The following DAB1 variants were observed in gnomAD, a reference collection of about 807,000 sequenced individuals.
DAB1 encodes the protein disabled homolog 1.
Under a neutral mutation model 64.6 loss-of-function variants are expected in DAB1, and 15 were observed. That is an observed-to-expected ratio of 0.23 (90% CI 0.16 to 0.36). DAB1 has a LOEUF of 0.36. DAB1 is among the 10% of genes least tolerant of loss of function. The pLI, the probability that DAB1 is intolerant of heterozygous loss-of-function variation, is 1.00. For synonymous variants in DAB1, 235 were observed against 251.9 expected, an observed-to-expected ratio of 0.93 and a Z score of 0.64; for missense variants, 596 against 706.7, an observed-to-expected ratio of 0.84 and a Z score of 1.78.
At chr1:57,978,664 C>A (rs1645983608) in intron 5 of DAB1, among the ~76,000 whole-genome samples, 1 of 152,110 alleles carries the variant, frequency 6.6e-6, no homozygotes, top group Admixed American at 6.6e-5. Context: ...TGCAATCTAT[C>A]CATCTGACAA....
chr1:58,487,600 G>T (rs1645597267), intron 3 of DAB1, among the ~76,000 whole-genome samples: 1 of 151,990 alleles, frequency 6.6e-6, no homozygotes, highest in South Asian at 2.1e-4. Context: ...TCAGGGCTAG[G>T]CGTCCTTTTC....
intron 6 of DAB1, among the ~76,000 whole-genome samples, chr1:57,691,176 A>G (rs1046901600): frequency 2.0e-5 from 3 of 152,162 alleles, no homozygotes; most frequent in East Asian, 1.9e-4. Context: ...AAACCCACCA[A>G]TCAGTGCTCT....
intron 7 of DAB1, among the ~76,000 whole-genome samples, chr1:57,533,634 A>G (rs2101424391): frequency 6.6e-6 from 1 of 150,802 alleles, no homozygotes; most frequent in East Asian, 2.0e-4. Context: ...CAAAAAAACT[A>G]TCTACCTACC....
At chr1:58,300,628 G>GAGAGAGAGAC (rs1662125135) in intron 4 of DAB1, among the ~76,000 whole-genome samples, 1 of 54,286 alleles carries the variant, frequency 1.8e-5, no homozygotes, top group African/African-American at 5.9e-5. Flanking sequence ...GAGAGAGAGA[G>GAGAGAGAGAC]AGAGAGAGAG....
At chr1:57,818,885 T>G (rs1285902508) in intron 6 of DAB1, among the ~76,000 whole-genome samples, 1 of 152,172 alleles carries the variant, frequency 6.6e-6, no homozygotes, top group Non-Finnish European at 1.5e-5. Flanking sequence ...TTTTGAAATC[T>G]GTTAATTCTA....
intron 5 of DAB1, among the ~76,000 whole-genome samples, chr1:58,038,571 T>C (rs1438363025): frequency 2.5e-5 from 3 of 121,988 alleles, no homozygotes; most frequent in African/African-American, 9.6e-5. Flanking sequence ...CTGGGTTTAA[T>C]AAGCTCCTTT....
chr1:58,013,512 C>T (rs926725772), intron 5 of DAB1, among the ~76,000 whole-genome samples: 11 of 152,282 alleles, frequency 7.2e-5, no homozygotes, highest in African/African-American at 2.4e-4. Flanking sequence ...ATAACAACAA[C>T]CTTGTACACT....
At chr1:57,374,188 C>T (rs2052617) in intron 1 of DAB1, among the ~76,000 whole-genome samples, 44,214 of 151,874 alleles carry the variant, frequency 0.29, 6,699 homozygotes, top group African/African-American at 0.33. Flanking sequence ...AAAAAATTGA[C>T]TATTTTATTA....
In DAB1 at chr1:58,428,345, G is replaced by A. The variant is rs549729263; in HGVS notation, n.257+77715C>T. Among the ~76,000 whole-genome samples, 12 of 152,274 alleles carry A rather than the reference G, an allele frequency of 7.9e-5. No homozygotes were observed. In the South Asian group the frequency reaches 2.3e-3, roughly 29 times the overall value. On this transcript the variant is annotated intron_variant and non_coding_transcript_variant, in intron 3 of 20. Transcript: ENST00000485760. The stretch of plus-strand genomic sequence containing the variant: ...TCACTAATTTACAGGAAATACAGGA[G>A]ACAGAGGAACATGTTTAAAGACACT...
chr1:57,450,505 T>C (rs1686311345), intron 7 of DAB1, among the ~76,000 whole-genome samples: 1 of 152,204 alleles, frequency 6.6e-6, no homozygotes, highest in Non-Finnish European at 1.5e-5. Context: ...TAAAGAGAGA[T>C]TGAAATTATG....
At chr1:57,809,611 T>G (rs567852293) in intron 6 of DAB1, among the ~76,000 whole-genome samples, 1 of 152,330 alleles carries the variant, frequency 6.6e-6, no homozygotes, top group Admixed American at 6.5e-5. Context: ...CTGTTTCTCA[T>G]TATTGCTCCT....
chr1:58,065,004 C>T (rs1648767122), intron 5 of DAB1, among the ~76,000 whole-genome samples: 2 of 152,188 alleles, frequency 1.3e-5, no homozygotes. Flanking sequence ...GCCACCGCGC[C>T]CGGCCAACAA....
intron 1 of DAB1, among the ~76,000 whole-genome samples, chr1:57,859,255 C>T (rs1474934510): frequency 2.6e-5 from 4 of 152,126 alleles, no homozygotes; most frequent in Non-Finnish European, 5.9e-5. Context: ...TTTGCATTTA[C>T]TTCCTATTAG....
chr1:57,995,276 C>T (rs561058338), intron 5 of DAB1, among the ~76,000 whole-genome samples: 45 of 152,290 alleles, frequency 3.0e-4, no homozygotes, highest in African/African-American at 1.1e-3. Context: ...TTGAGGTTCT[C>T]ATAGCAACCA....
intron 3 of DAB1, among the ~76,000 whole-genome samples, chr1:58,477,737 C>T (rs1645433057): frequency 6.6e-6 from 1 of 152,054 alleles, no homozygotes. Context: ...AAAAAAGAGC[C>T]CTTGCTCTGA....
intron 5 of DAB1, among the ~76,000 whole-genome samples, chr1:58,055,465 T>C (rs989580554): frequency 5.3e-5 from 8 of 152,292 alleles, no homozygotes; most frequent in South Asian, 2.1e-4. Flanking sequence ...CTTTCCCTTT[T>C]CCGCTTTGTT....
intron 7 of DAB1, among the ~76,000 whole-genome samples, chr1:57,518,120 T>C (rs962597909): frequency 6.6e-6 from 1 of 152,250 alleles, no homozygotes; most frequent in Non-Finnish European, 1.5e-5. Context: ...CTTTCTTTCA[T>C]AAAACAGCAC....
intron 1 of DAB1, among the ~76,000 whole-genome samples, chr1:57,345,725 T>C (rs1678023711): frequency 6.6e-6 from 1 of 152,212 alleles, no homozygotes; most frequent in Non-Finnish European, 1.5e-5. Context: ...ACATCTAAAA[T>C]CTGATTAAAA....
chr1:57,390,268 T>C (rs553339825), intron 1 of DAB1, among the ~76,000 whole-genome samples: 4 of 152,236 alleles, frequency 2.6e-5, no homozygotes, highest in Non-Finnish European at 5.9e-5. Context: ...GTTCCATCTA[T>C]AATATTCATT....
Sources: gnomAD v4.1 joint callset for allele counts (sites outside exome capture counted in the v4.1 genomes callset) on GRCh38, gnomAD v4.1.1 for gene constraint, MANE v1.5 for transcripts, NCBI Gene and HGNC (gene_info 2026-07-23, HGNC 2026-07-21) for gene names.